MSRB3: variants seen among roughly 807,000 people sequenced by gnomAD.
MSRB3 encodes the protein methionine-R-sulfoxide reductase B3.
In MSRB3, 13 loss-of-function variants were observed where a neutral mutation model predicts 21.0. The observed-to-expected ratio is 0.62, with a 90% CI of 0.40 to 0.98. The LOEUF (loss-of-function observed/expected upper bound fraction) is 0.98. Among genes scored for constraint, MSRB3 ranks in the 50% least tolerant of loss-of-function variants. The pLI is 0.00. For missense variants in MSRB3, 199 were observed against 230.3 expected, an observed-to-expected ratio of 0.86 and a Z score of 0.88; for synonymous variants, 87 against 88.6, an observed-to-expected ratio of 0.98 and a Z score of 0.10.
chr12:65,411,777 T>C (rs1880727745), intron 5 of MSRB3, among the ~76,000 whole-genome samples: 1 of 148,980 alleles, frequency 6.7e-6, no homozygotes. Flanking sequence ...AAATATAATA[T>C]GTGTAATATG....
intron 4 of MSRB3, among the ~76,000 whole-genome samples, chr12:65,356,766 G>A (rs978748888): frequency 6.6e-6 from 1 of 151,800 alleles, no homozygotes; most frequent in African/African-American, 2.4e-5. Context: ...CTTTTCAAAA[G>A]GTTAATGTAA....
chr12:65,395,862 A>G (rs1477152121), intron 5 of MSRB3, among the ~76,000 whole-genome samples: 1 of 151,906 alleles, frequency 6.6e-6, no homozygotes, highest in East Asian at 1.9e-4. Flanking sequence ...CCTCTTTTTC[A>G]TTTCTGGTTT....
intron 4 of MSRB3, among the ~76,000 whole-genome samples, chr12:65,352,114 C>G (rs896875364): frequency 6.6e-6 from 1 of 152,044 alleles, no homozygotes; most frequent in African/African-American, 2.4e-5. Context: ...GCTTATCCAC[C>G]ATGATCAAGT....
At chr12:65,280,452 A>G (rs1871943779) in intron 1 of MSRB3, among the ~76,000 whole-genome samples, 1 of 152,162 alleles carries the variant, frequency 6.6e-6, no homozygotes, top group South Asian at 2.1e-4. Flanking sequence ...TTCCTCAGTG[A>G]TGTGTTGACT....
chr12:65,379,836 C>A (rs1022502920), intron 5 of MSRB3, among the ~76,000 whole-genome samples: 1 of 152,084 alleles, frequency 6.6e-6, no homozygotes, highest in African/African-American at 2.4e-5. Flanking sequence ...TATATTGAAC[C>A]AGTGTGTAGG....
rs192954135 is a variant in MSRB3 at position 65,427,372 on chromosome 12, G to C, written c.293-26356G>C. ...CCACAGTGGCAGTGAGGGTTTCTGG[G>C]TTTTCTGTGTCCATAGTGGCAGTGG... On this transcript the variant is annotated intron_variant, in intron 5 of 6. Transcript: ENST00000308259. 2.5e-3 allele frequency among the ~76,000 whole-genome samples: 379 copies of C among 152,252 alleles called. 2 individuals are homozygous for C. The highest frequency in any genetic ancestry group is 8.4e-3 in the African/African-American group (347 of 41,554).
intron 2 of MSRB3, 149 bp downstream of exon 2, chr12:65,308,804 A>T: frequency 1.0e-6 from 1 of 990,060 alleles, no homozygotes; most frequent in Non-Finnish European, 1.5e-6. Context: ...ATAAATCACC[A>T]CTCTACTTTG....
chr12:65,318,783 G>T (rs7969879), intron 2 of MSRB3, among the ~76,000 whole-genome samples: 15,414 of 152,106 alleles, frequency 0.1, 2,111 homozygotes, highest in African/African-American at 0.31. Context: ...AACACAAAAA[G>T]TGTTGCTCTC....
intron 5 of MSRB3, among the ~76,000 whole-genome samples, chr12:65,443,275 G>T (rs1052177757): frequency 1.2e-4 from 19 of 152,100 alleles, no homozygotes; most frequent in African/African-American, 4.6e-4. Context: ...GTTCTTGACA[G>T]CCTTAGTCAT....
In MSRB3 at chr12:65,284,339, AC is replaced by A. The variant is rs1872215392; in HGVS notation, c.-52+5476del. The A allele has an allele frequency of 4.6e-5, 7 of 152,354 alleles. 1 individual carries two copies. In the South Asian group the frequency reaches 1.4e-3, roughly 32 times the overall value. The allele number at this position is 152,354 out of a possible 1,614,324, so 9.4% of individuals were successfully genotyped here. On this transcript the variant is annotated intron_variant, in intron 1 of 6. Coordinates refer to ENST00000308259, the MANE Select transcript of MSRB3 (RefSeq NM_001031679.3). ...TGAGAGTTTCTCTTAAGGAATGAAGACCTAACGAGAATAGCGGCACCGCAGT... is the reference window on the plus strand; with the variant it reads ...TGAGAGTTTCTCTTAAGGAATGAAGACTAACGAGAATAGCGGCACCGCAGT...
intron 5 of MSRB3, 143 bp downstream of exon 5, chr12:65,369,169 G>T: frequency 1.5e-6 from 1 of 648,436 alleles, no homozygotes. Flanking sequence ...CTCAAAGCAG[G>T]GCTATTGACT....
At position 65,351,289 on chromosome 12, in the gene MSRB3, A is replaced by T. The variant is rs1282601484; in HGVS notation, c.264-17709A>T. On this transcript the variant is annotated intron_variant, in intron 4 of 6. Transcript: ENST00000308259. ...CGAGAACAAAGACACAACATACCAGAATCTCTGGGACACATTCAAAGAAGT... is the reference window on the plus strand; with the variant it reads ...CGAGAACAAAGACACAACATACCAGTATCTCTGGGACACATTCAAAGAAGT... Among the ~76,000 whole-genome samples, 8 of 149,870 alleles carry T rather than the reference A, an allele frequency of 5.3e-5. No individual in the cohort carries two copies. In the South Asian group the frequency reaches 6.3e-4, roughly 12 times the overall value.
chr12:65,333,983 T>A (rs1875598989), intron 4 of MSRB3, among the ~76,000 whole-genome samples: 1 of 152,164 alleles, frequency 6.6e-6, no homozygotes. Context: ...CAAGATAGAT[T>A]CTGGGATTGG....
intron 4 of MSRB3, among the ~76,000 whole-genome samples, chr12:65,339,254 TC>T: frequency 6.6e-6 from 1 of 152,184 alleles, no homozygotes; most frequent in Non-Finnish European, 1.5e-5. Flanking sequence ...TAGTAGCATC[TC>T]TGACCTTCCA....
At chr12:65,407,113 T>C (rs1349885866) in intron 5 of MSRB3, among the ~76,000 whole-genome samples, 2 of 152,182 alleles carry the variant, frequency 1.3e-5, no homozygotes, top group Admixed American at 6.5e-5. Context: ...AACAGACACA[T>C]AGGCCAATGG....
intron 4 of MSRB3, among the ~76,000 whole-genome samples, chr12:65,355,101 C>G (rs564797672): frequency 6.6e-6 from 1 of 151,738 alleles, no homozygotes; most frequent in East Asian, 1.9e-4. Flanking sequence ...GTAGGATAAA[C>G]TTTAGAAAAG....
chr12:65,294,489 T>TAA, intron 1 of MSRB3, among the ~76,000 whole-genome samples: 1 of 152,224 alleles, frequency 6.6e-6, no homozygotes, highest in Non-Finnish European at 1.5e-5. Context: ...ATACTTATCA[T>TAA]TTTGATGGGA....
chr12:65,346,458 T>G (rs1308222232), intron 4 of MSRB3, among the ~76,000 whole-genome samples: 1 of 152,216 alleles, frequency 6.6e-6, no homozygotes, highest in African/African-American at 2.4e-5. Context: ...TAAATTTGTT[T>G]GAGTTCATTG....
rs34413074 is a variant in MSRB3, at chr12:65,422,428, A to ATATATATT, written c.293-31297_293-31296insATATTTAT. Among the ~76,000 whole-genome samples, 406 of 72,476 alleles carry ATATATATT rather than the reference A, an allele frequency of 5.6e-3. 6 individuals carry two copies. The highest frequency in any genetic ancestry group is 7.1e-3 in the Middle Eastern group (1 of 140). 47.5% of individuals were successfully genotyped at this position (72,476 alleles called of 152,430 possible). On this transcript the variant is annotated intron_variant, in intron 5 of 6. Coordinates refer to ENST00000308259, the MANE Select transcript of MSRB3 (RefSeq NM_001031679.3). ...TATATATATATATATATATATATAT[A>ATATATATT]TATTTATTTATTTATTTATGGGGTA...
Sources: allele counts gnomAD v4.1 joint callset (sites outside exome capture counted in the v4.1 genomes callset), GRCh38; gene constraint gnomAD v4.1.1; transcripts MANE v1.5; gene names NCBI Gene and HGNC (gene_info 2026-07-23, HGNC 2026-07-21).